The following CNTNAP2 variants were observed in gnomAD, a reference collection of about 807,000 sequenced individuals.
The protein encoded by CNTNAP2 is contactin-associated protein-like 2.
Under a neutral mutation model 155.2 loss-of-function variants are expected in CNTNAP2, and 98 were observed. The observed-to-expected ratio is 0.63, with a 90% confidence interval of 0.54 to 0.75. The LOEUF (loss-of-function observed/expected upper bound fraction) is 0.75. Ranked by LOEUF, CNTNAP2 falls within the 30% of genes least tolerant of loss-of-function variation. The probability of loss-of-function intolerance (pLI) is 0.00; values close to 1 mark genes in which losing one functional copy is unlikely to be tolerated. For synonymous variants in CNTNAP2, 651 were observed against 631.2 expected (o/e 1.03, Z -0.47); for missense variants, 1,727 against 1,688.1 (o/e 1.02, Z -0.40).
chr7:147,224,107 C>A (rs186869894), intron 8 of CNTNAP2, among the ~76,000 whole-genome samples: 4 of 152,176 alleles, frequency 2.6e-5, no homozygotes, highest in Non-Finnish European at 1.5e-5. Context: ...TCTCTGTATC[C>A]CTCATCTGTC....
At chr7:147,250,514 A>C (rs1266547982) in intron 8 of CNTNAP2, among the ~76,000 whole-genome samples, 1 of 151,852 alleles carries the variant, frequency 6.6e-6, no homozygotes, top group African/African-American at 2.4e-5. Context: ...TTACATAATC[A>C]TTGCCCCTTA....
intron 2 of CNTNAP2, among the ~76,000 whole-genome samples, chr7:146,823,285 A>G (rs1194507499): frequency 6.7e-6 from 1 of 150,038 alleles, no homozygotes; most frequent in Non-Finnish European, 1.5e-5. Flanking sequence ...ACATGTAAAT[A>G]TACTCATTCT....
intron 13 of CNTNAP2, chr7:147,831,688 T>A (rs1012916453): frequency 6.6e-6 from 1 of 152,202 alleles, no homozygotes; most frequent in African/African-American, 2.4e-5. Context: ...AAAAAAGAAG[T>A]CTAGTTCTAT....
chr7:147,171,365 C>T (rs1018482999), intron 8 of CNTNAP2, among the ~76,000 whole-genome samples: 4 of 152,150 alleles, frequency 2.6e-5, no homozygotes, highest in Admixed American at 6.5e-5. Flanking sequence ...TCCTGGCTGC[C>T]TCTAGTTGGC....
rs116455866 is a variant in CNTNAP2, at chr7:147,342,213, A to T, written c.1498+41923A>T. Reference sequence around the variant, plus strand: ...ATCCCATCACATTTGGGATTTCAACATATGAATTCAGTTCATAGCAGGAGC... The same window carrying T: ...ATCCCATCACATTTGGGATTTCAACTTATGAATTCAGTTCATAGCAGGAGC... On this transcript the variant is annotated intron_variant, in intron 9 of 23. Transcript: ENST00000361727. Among the ~76,000 whole-genome samples the T allele has an allele frequency of 7.1e-3, 1,084 of 152,262 alleles. 13 individuals carry two copies. The highest frequency in any genetic ancestry group is 0.025 in the African/African-American group (1,030 of 41,546).
At chr7:146,973,355 T>C (rs750407222) in intron 3 of CNTNAP2, among the ~76,000 whole-genome samples, 1 of 152,140 alleles carries the variant, frequency 6.6e-6, no homozygotes, top group Non-Finnish European at 1.5e-5. Flanking sequence ...AAGCACTCAA[T>C]AGATACACAT....
intron 1 of CNTNAP2, among the ~76,000 whole-genome samples, chr7:146,739,951 A>T (rs530525472): frequency 6.6e-6 from 1 of 152,194 alleles, no homozygotes; most frequent in African/African-American, 2.4e-5. Context: ...TTATATAAAT[A>T]TAGCTACTTC....
chr7:147,627,870 AAAAG>A (rs1418122412), intron 12 of CNTNAP2, among the ~76,000 whole-genome samples: 3 of 151,578 alleles, frequency 2.0e-5, no homozygotes, highest in African/African-American at 7.3e-5. Flanking sequence ...TAGAACAAGT[AAAAG>A]AAAGAATTTT....
At chr7:146,906,411 C>T (rs1001756198) in intron 3 of CNTNAP2, among the ~76,000 whole-genome samples, 1 of 152,086 alleles carries the variant, frequency 6.6e-6, no homozygotes, top group African/African-American at 2.4e-5. Context: ...TGTCTGACAG[C>T]TTTGAAGAGA....
At chr7:148,119,492 C>T (rs954913506) in intron 16 of CNTNAP2, among the ~76,000 whole-genome samples, 9 of 152,104 alleles carry the variant, frequency 5.9e-5, no homozygotes, top group African/African-American at 2.2e-4. Flanking sequence ...GCCTAGATTG[C>T]GCCACTGCAC....
At chr7:147,235,347 T>G (rs1235736692) in intron 8 of CNTNAP2, among the ~76,000 whole-genome samples, 6 of 140,896 alleles carry the variant, frequency 4.3e-5, no homozygotes, top group African/African-American at 1.1e-4. Context: ...GAGTTTTTGG[T>G]GTGTGTGTGT....
chr7:147,216,551 A>T (rs1378849511), intron 8 of CNTNAP2, among the ~76,000 whole-genome samples: 3 of 33,466 alleles, frequency 9.0e-5, no homozygotes, highest in Non-Finnish European at 2.3e-4. Flanking sequence ...AACACTAAAC[A>T]CTAAACTTAT....
chr7:147,335,543 C>T (rs1795650065), intron 9 of CNTNAP2, among the ~76,000 whole-genome samples: 1 of 152,098 alleles, frequency 6.6e-6, no homozygotes, highest in South Asian at 2.1e-4. Flanking sequence ...AGTTCTTGAG[C>T]CCCCAAAGAA....
chr7:147,327,822 T>C (rs900910710), intron 9 of CNTNAP2, among the ~76,000 whole-genome samples: 1 of 152,188 alleles, frequency 6.6e-6, no homozygotes, highest in Non-Finnish European at 1.5e-5. Flanking sequence ...TCTCATATCA[T>C]GTGGTCTTTT....
intron 21 of CNTNAP2, among the ~76,000 whole-genome samples, chr7:148,364,072 C>G (rs1798681273): frequency 6.6e-6 from 1 of 152,226 alleles, no homozygotes; most frequent in Non-Finnish European, 1.5e-5. Context: ...ACCTGCAGCC[C>G]GCCATGCCTG....
intron 3 of CNTNAP2, among the ~76,000 whole-genome samples, chr7:147,043,669 C>A (rs1799301768): frequency 6.6e-6 from 1 of 152,190 alleles, no homozygotes; most frequent in Non-Finnish European, 1.5e-5. Flanking sequence ...GTCTTTCATT[C>A]TTTTAACGTA....
At chr7:146,258,427 A>G (rs1353552121) in intron 1 of CNTNAP2, among the ~76,000 whole-genome samples, 4 of 152,184 alleles carry the variant, frequency 2.6e-5, no homozygotes, top group Admixed American at 6.5e-5. Flanking sequence ...AGAAAATGCA[A>G]TCATTTATAT....
At chr7:146,262,206 C>T (rs1406709095) in intron 1 of CNTNAP2, among the ~76,000 whole-genome samples, 1 of 152,136 alleles carries the variant, frequency 6.6e-6, no homozygotes, top group African/African-American at 2.4e-5. Context: ...GCTATTAGCA[C>T]AGCTAATAAT....
intron 4 of CNTNAP2, among the ~76,000 whole-genome samples, chr7:147,053,085 G>A (rs962034425): frequency 6.6e-6 from 1 of 152,000 alleles, no homozygotes; most frequent in African/African-American, 2.4e-5. Context: ...ATGACTTCCT[G>A]GTCTGTACAT....
Sources: gnomAD v4.1 joint callset for allele counts (sites outside exome capture counted in the v4.1 genomes callset) on GRCh38, gnomAD v4.1.1 for gene constraint, MANE v1.5 for transcripts, NCBI Gene and HGNC (gene_info 2026-07-23, HGNC 2026-07-21) for gene names.